The following ABCC6 variants were observed in gnomAD, a reference collection of about 807,000 sequenced individuals.
The protein encoded by ABCC6 is ATP-binding cassette sub-family C member 6.
Under a neutral mutation model 169.5 loss-of-function variants are expected in ABCC6, and 126 were observed. The observed-to-expected ratio is 0.74, with a 90% CI of 0.64 to 0.86. The LOEUF (loss-of-function observed/expected upper bound fraction) is 0.86. Among genes scored for constraint, ABCC6 ranks in the 40% least tolerant of loss-of-function variants. The probability of loss-of-function intolerance (pLI) is 0.00; values close to 1 mark genes in which losing one functional copy is unlikely to be tolerated. For synonymous variants in ABCC6, 752 were observed against 814.7 expected (o/e 0.92, Z 1.31); for missense variants, 1,733 against 1,927.2 (o/e 0.90, Z 1.89).
chr16:16,188,875 T>C lies in ABCC6; in HGVS notation c.1735A>G (p.Lys579Glu), dbSNP rs749017755. The C allele has an allele frequency of 1.9e-6, 3 of 1,613,946 alleles. No individual in the cohort carries two copies. In the African/African-American group the frequency reaches 4.0e-5, roughly 22 times the overall value. Residue 579 changes from lysine to glutamate, a missense_variant, in exon 13 of 31, where the codon AAG becomes GAG. Physicochemically the swap from Lys to Glu is moderately conservative, Grantham distance 56. Coordinates refer to ENST00000205557, the MANE Select transcript of ABCC6 (RefSeq NM_001171.6). ...VTLTVLNILN[K>E]AQAFLPFSIH... is the part of the protein sequence containing the mutation. ...GAGAAGGGCAGGAAAGCCTGGGCCTTGTTGAGGATGTTGAGAACTGTGAGA... is the reference window on the plus strand; with the variant it reads ...GAGAAGGGCAGGAAAGCCTGGGCCTCGTTGAGGATGTTGAGAACTGTGAGA...
chr16:16,150,582 C>T lies in ABCC6; in HGVS notation c.4399G>A (p.Ala1467Thr). 1.2e-6 allele frequency: 2 copies of T among 1,608,856 alleles called. No homozygotes were observed. The highest frequency in any genetic ancestry group is 1.7e-6 in the Non-Finnish European group (2 of 1,176,608). The change falls in exon 30 of 31, where the codon GCC (alanine) becomes ACC (threonine). Residue 1467 changes from alanine to threonine, a missense_variant. Ala to Thr is a moderately conservative substitution (Grantham distance 58, BLOSUM62 0). Coordinates refer to ENST00000205557, the MANE Select transcript of ABCC6 (RefSeq NM_001171.6). ...AGGCCGGGGCGGGAGCCTTACCGGG[C>T]ACAGTCCATCACGGAGCGCAGGCGG... ...AHRLRSVMDC[A>T]RVLVMDKGQV...
chr16:16,171,940 T>G (rs1371806673), intron 21 of ABCC6, among the ~76,000 whole-genome samples: 1 of 57,486 alleles, frequency 1.7e-5, no homozygotes, highest in Non-Finnish European at 3.2e-5. Context: ...AATGGGTGGG[T>G]GGGATGGATA....
intron 19 of ABCC6, among the ~76,000 whole-genome samples, chr16:16,176,809 G>T (rs2047293104): frequency 6.6e-6 from 1 of 152,148 alleles, no homozygotes; most frequent in Admixed American, 6.5e-5. Context: ...TAACTTCTGG[G>T]CCTCAGTTTC....
intron 30 of ABCC6, among the ~76,000 whole-genome samples, 158 bp from the exon 31 acceptor site, chr16:16,150,399 G>A (rs1210861872): frequency 6.6e-6 from 1 of 152,234 alleles, no homozygotes; most frequent in East Asian, 1.9e-4. Flanking sequence ...GCGTGTGCTG[G>A]GCGCATGTCC....
rs545106514 is a variant in ABCC6 at position 16,190,159 on chromosome 16, G to A, written c.1635+5C>T. 6.8e-6 allele frequency: 11 copies of A among 1,613,240 alleles called. No individual in the cohort carries two copies. Among genetic ancestry groups the A allele is most frequent in the Admixed American group, 3.3e-5 (2 of 59,970 alleles). ...TGCTCAGCATAGAGACTAGAGTGAC[G>A]TCACCAGAAATGTAGACACTTGGAA... On this transcript the variant is annotated splice_donor_5th_base_variant and intron_variant, in intron 12 of 30. Coordinates refer to ENST00000205557, the MANE Select transcript of ABCC6 (RefSeq NM_001171.6).
chr16:16,165,935 T>G lies in ABCC6; in HGVS notation c.2996-2A>C. 6.2e-7 allele frequency: 1 copy of G among 1,612,662 alleles called. No individual in the cohort carries two copies. The highest frequency in any genetic ancestry group is 8.5e-7 in the Non-Finnish European group (1 of 1,179,854). On this transcript the variant is annotated splice_acceptor_variant, in intron 22 of 30. Coordinates refer to ENST00000205557, the MANE Select transcript of ABCC6 (RefSeq NM_001171.6). LOFTEE classifies it high-confidence loss of function. ...CCATGGAGGCAAACAGCCCAATGGC[T>G]GGGGAGGGAGAGGAGGTAAGAGCAT...
At chr16:16,207,123 C>A (rs1596728839) in intron 7 of ABCC6, among the ~76,000 whole-genome samples, 1 of 152,192 alleles carries the variant, frequency 6.6e-6, no homozygotes, top group African/African-American at 2.4e-5. Flanking sequence ...GGGGGTCCAG[C>A]AAGCCATGCC....
intron 27 of ABCC6, 44 bp from the exon 28 acceptor site, chr16:16,155,075 T>A (rs1346794342): frequency 6.5e-7 from 1 of 1,534,496 alleles, no homozygotes; most frequent in Admixed American, 2.0e-5. Context: ...CCAGAGGGTT[T>A]GTGGGCATTT....
chr16:16,197,326 A>C (rs894264308), intron 10 of ABCC6, among the ~76,000 whole-genome samples: 1 of 152,150 alleles, frequency 6.6e-6, no homozygotes, highest in Non-Finnish European at 1.5e-5. Flanking sequence ...CTTCCTGCCC[A>C]AGGTCAAGTG....
intron 26 of ABCC6, among the ~76,000 whole-genome samples, chr16:16,158,847 T>C (rs750320782): frequency 2.0e-5 from 3 of 152,200 alleles, no homozygotes; most frequent in Non-Finnish European, 4.4e-5. Flanking sequence ...GCTACTCTGT[T>C]ACTCTGTTAC....
chr16:16,160,406 G>A (rs1028165152), intron 25 of ABCC6, among the ~76,000 whole-genome samples: 1 of 151,980 alleles, frequency 6.6e-6, no homozygotes, highest in African/African-American at 2.4e-5. Context: ...GGAAGTCTAA[G>A]CAGGAAGATT....
chr16:16,165,592 G>T, intron 23 of ABCC6, 31 bp downstream of exon 23: 14 of 1,611,544 alleles, frequency 8.7e-6, no homozygotes, highest in Non-Finnish European at 1.2e-5. Context: ...GACCTCAGCC[G>T]GTCCCGGAAG....
At chr16:16,205,265 C>T (rs1463385543) in intron 7 of ABCC6, among the ~76,000 whole-genome samples, 1 of 152,164 alleles carries the variant, frequency 6.6e-6, no homozygotes, top group African/African-American at 2.4e-5. Context: ...TTAGGTTTTC[C>T]ATTTTACAGA....
chr16:16,198,716 G>A (rs573259030), intron 9 of ABCC6, among the ~76,000 whole-genome samples: 6 of 150,772 alleles, frequency 4.0e-5, no homozygotes, highest in Admixed American at 2.0e-4. Context: ...CCAGGGGGCC[G>A]GGTGCGGTGC....
intron 29 of ABCC6, among the ~76,000 whole-genome samples, chr16:16,152,630 A>G (rs1013517870): frequency 1.0e-4 from 15 of 150,616 alleles, no homozygotes; most frequent in Non-Finnish European, 1.9e-4. Context: ...CAAGGTAGGT[A>G]GGTGCTATTA....
chr16:16,209,229 AC>A (rs2048510238), intron 6 of ABCC6, among the ~76,000 whole-genome samples: 2 of 151,376 alleles, frequency 1.3e-5, no homozygotes, highest in Admixed American at 1.3e-4. Context: ...GATTACAGGC[AC>A]CCACCACCAT....
At chr16:16,163,427 C>A (rs1042577178) in intron 23 of ABCC6, among the ~76,000 whole-genome samples, 2 of 152,082 alleles carry the variant, frequency 1.3e-5, no homozygotes, top group Admixed American at 6.6e-5. Flanking sequence ...AATGCCCCAC[C>A]CCAGAATGAC....
chr16:16,174,760 A>AACCCC (rs1555511582), intron 20 of ABCC6, among the ~76,000 whole-genome samples: 1 of 94,634 alleles, frequency 1.1e-5, no homozygotes, highest in Non-Finnish European at 2.2e-5. Flanking sequence ...CTGTCTCAAA[A>AACCCC]CCCCCCCCCG....
chr16:16,166,435 A>G (rs759404400), intron 22 of ABCC6, among the ~76,000 whole-genome samples: 1 of 151,924 alleles, frequency 6.6e-6, no homozygotes, highest in Non-Finnish European at 1.5e-5. Context: ...TGCCATTTAT[A>G]TAAGAATACT....
Sources: allele counts gnomAD v4.1 joint callset (sites outside exome capture counted in the v4.1 genomes callset), GRCh38; gene constraint gnomAD v4.1.1; transcripts MANE v1.5; gene names NCBI Gene and HGNC (gene_info 2026-07-23, HGNC 2026-07-21).